Variants in CGNL1 observed in about 807,000 individuals in gnomAD.
CGNL1 encodes cingulin like 1.
CGNL1 carries 132 observed loss-of-function variants against 141.2 expected under a neutral mutation model. The observed-to-expected ratio is 0.93, with a 90% CI of 0.81 to 1.08. The LOEUF (loss-of-function observed/expected upper bound fraction) is 1.08, where lower values mean the gene tolerates loss of function less well. Among genes scored for constraint, CGNL1 ranks in the 50% least tolerant of loss-of-function variants. CGNL1 has a pLI of 0.00. For missense variants in CGNL1, 1,870 were observed against 1,588.6 expected (o/e 1.18, Z -3.01); for synonymous variants, 690 against 622.1 (o/e 1.11, Z -1.63).
chr15:57,398,984 A>C (rs1176094297), intron 1 of CGNL1, among the ~76,000 whole-genome samples: 1 of 152,208 alleles, frequency 6.6e-6, no homozygotes, highest in Non-Finnish European at 1.5e-5. Context: ...TTGAGTTGGC[A>C]CATAATTGTA....
intron 8 of CGNL1, among the ~76,000 whole-genome samples, chr15:57,472,426 G>C (rs2063594147): frequency 6.6e-6 from 1 of 152,156 alleles, no homozygotes; most frequent in Non-Finnish European, 1.5e-5. Context: ...GAGAGAGACA[G>C]ACAGACAAGC....
intron 1 of CGNL1, chr15:57,405,175 C>G (rs2062701714): frequency 6.6e-6 from 1 of 152,104 alleles, no homozygotes; most frequent in African/African-American, 2.4e-5. Flanking sequence ...GAAGTGAGCC[C>G]ATATTGGCAC....
At chr15:57,469,425 GC>G (rs1299078782) in intron 8 of CGNL1, among the ~76,000 whole-genome samples, 3 of 150,646 alleles carry the variant, frequency 2.0e-5, no homozygotes, top group African/African-American at 7.3e-5. Flanking sequence ...AGCGAAGGGG[GC>G]CGAGGGCCTG....
chr15:57,525,394 A>C (rs533268986), intron 12 of CGNL1, among the ~76,000 whole-genome samples: 3 of 152,256 alleles, frequency 2.0e-5, no homozygotes, highest in Non-Finnish European at 4.4e-5. Flanking sequence ...TCAAAATGTA[A>C]GCACAGCCTA....
At chr15:57,411,136 G>T (rs1334519221) in intron 1 of CGNL1, among the ~76,000 whole-genome samples, 1 of 152,176 alleles carries the variant, frequency 6.6e-6, no homozygotes, top group African/African-American at 2.4e-5. Context: ...AGTGTCATAT[G>T]TTGGACTCCA....
chr15:57,525,196 A>C (rs1214853553), intron 12 of CGNL1, among the ~76,000 whole-genome samples: 1 of 152,244 alleles, frequency 6.6e-6, no homozygotes, highest in Non-Finnish European at 1.5e-5. Flanking sequence ...GTTTCACAAC[A>C]ACAATAATGG....
intron 12 of CGNL1, among the ~76,000 whole-genome samples, chr15:57,528,267 GA>G (rs1439725550): frequency 6.7e-6 from 1 of 148,958 alleles, no homozygotes; most frequent in East Asian, 1.9e-4. Flanking sequence ...AAAAAAAAAA[GA>G]CAAAAAAAAA....
chr15:57,543,766 C>G lies in CGNL1; in HGVS notation c.3362C>G (p.Ser1121Cys), dbSNP rs1595817400. 2.5e-6 allele frequency: 4 copies of G among 1,613,812 alleles called. No individual in the cohort carries two copies. In the East Asian group the frequency reaches 8.9e-5, roughly 36 times the overall value. ...CAAGACTTGGAGTGCGACAAGATTT[C>G]CCTGGAGAGGCAGGTGAGGGCAGCC... The part of the protein sequence containing the change: ...ARQDLECDKI[S>C]LERQNKDLKS... The change falls in exon 15 of 19, where the codon TCC (serine) becomes TGC (cysteine). Residue 1121 changes from serine to cysteine, a missense_variant. By Grantham distance (112) the Ser-to-Cys change is moderately radical. Coordinates refer to ENST00000281282, the MANE Select transcript of CGNL1 (RefSeq NM_032866.5).
rs114652730 is a variant in CGNL1 at position 57,462,004 on chromosome 15, A to G, written c.2403+112A>G. ...CCTTTTAATTAGAGAGTGAATCTCA[A>G]TTCATCAGATCATGGACACAGAGCT... On this transcript the variant is annotated intron_variant, in intron 8 of 18. Transcript: ENST00000281282. The G allele has an allele frequency of 2.4e-3, 1,895 of 787,862 alleles. 23 individuals carry two copies. The African/African-American group carries it at 0.029, about 12-fold the overall frequency. 48.8% of individuals were successfully genotyped at this position (787,862 alleles called of 1,614,324 possible).
chr15:57,404,770 G>A (rs1202786275), intron 1 of CGNL1, among the ~76,000 whole-genome samples: 1 of 152,176 alleles, frequency 6.6e-6, no homozygotes, highest in African/African-American at 2.4e-5. Flanking sequence ...CTTTTGAACA[G>A]TCATTAGCCA....
intron 7 of CGNL1, among the ~76,000 whole-genome samples, chr15:57,457,938 C>G (rs1242527455): frequency 6.6e-6 from 1 of 152,174 alleles, no homozygotes; most frequent in African/African-American, 2.4e-5. Context: ...GTTTTGTGGT[C>G]AGGTCTGTAC....
At chr15:57,385,034 C>A (rs8039952) in intron 1 of CGNL1, among the ~76,000 whole-genome samples, 1 of 152,162 alleles carries the variant, frequency 6.6e-6, no homozygotes, top group African/African-American at 2.4e-5. Flanking sequence ...CATTTCTTAT[C>A]TGAAGGGCAT....
At chr15:57,544,215 C>T (rs1343549186) in intron 15 of CGNL1, among the ~76,000 whole-genome samples, 2 of 152,208 alleles carry the variant, frequency 1.3e-5, no homozygotes, top group Non-Finnish European at 2.9e-5. Flanking sequence ...ATCCGGGAGT[C>T]TTAGGACATG....
intron 8 of CGNL1, among the ~76,000 whole-genome samples, chr15:57,462,830 C>T (rs1201499918): frequency 6.6e-6 from 1 of 152,120 alleles, no homozygotes; most frequent in Non-Finnish European, 1.5e-5. Context: ...GTTATTACAA[C>T]TTGGAGACCG....
At chr15:57,397,419 G>A (rs2062614447) in intron 1 of CGNL1, among the ~76,000 whole-genome samples, 1 of 152,158 alleles carries the variant, frequency 6.6e-6, no homozygotes, top group Non-Finnish European at 1.5e-5. Flanking sequence ...CCTGAACTAG[G>A]AAGCTCCTGA....
At chr15:57,388,159 C>T (rs1462199897) in intron 1 of CGNL1, among the ~76,000 whole-genome samples, 1 of 152,128 alleles carries the variant, frequency 6.6e-6, no homozygotes, top group Non-Finnish European at 1.5e-5. Flanking sequence ...GTGCCAGGCT[C>T]CTGAGATTCT....
chr15:57,540,213 T>A (rs1367731066), intron 14 of CGNL1, among the ~76,000 whole-genome samples: 1 of 152,170 alleles, frequency 6.6e-6, no homozygotes, highest in African/African-American at 2.4e-5. Flanking sequence ...CCCTGCCCAT[T>A]GTATTAGCCT....
At chr15:57,417,970 G>C (rs2062868535) in intron 1 of CGNL1, among the ~76,000 whole-genome samples, 1 of 152,152 alleles carries the variant, frequency 6.6e-6, no homozygotes, top group African/African-American at 2.4e-5. Context: ...CATTGACTTT[G>C]CATACGAACA....
chr15:57,386,910 TA>T (rs1267769038), intron 1 of CGNL1, among the ~76,000 whole-genome samples: 4 of 152,214 alleles, frequency 2.6e-5, no homozygotes, highest in Non-Finnish European at 5.9e-5. Context: ...TGGTTCTTGG[TA>T]TTTTTTTTGG....
Sources: gnomAD v4.1 joint callset for allele counts (sites outside exome capture counted in the v4.1 genomes callset) on GRCh38, gnomAD v4.1.1 for gene constraint, MANE v1.5 for transcripts, NCBI Gene and HGNC (gene_info 2026-07-23, HGNC 2026-07-21) for gene names.